ZNF346: variants seen among roughly 807,000 people sequenced by gnomAD.
ZNF346 encodes zinc finger protein 346.
A neutral mutation model predicts 33.7 loss-of-function variants in ZNF346; 23 were observed. The observed-to-expected ratio is 0.68, with a 90% CI of 0.49 to 0.97. The LOEUF (loss-of-function observed/expected upper bound fraction) is 0.97, where lower values mean the gene tolerates loss of function less well. ZNF346 is among the 50% of genes least tolerant of loss of function. ZNF346 has a pLI of 0.00. For missense variants in ZNF346, 340 were observed against 371.1 expected (o/e 0.92, Z 0.69); for synonymous variants, 134 against 142.4 (o/e 0.94, Z 0.42).
intron 1 of ZNF346, among the ~76,000 whole-genome samples, chr5:177,034,414 CAG>C (rs1490049732): frequency 1.3e-4 from 20 of 152,088 alleles, no homozygotes; most frequent in African/African-American, 4.1e-4. Flanking sequence ...TTTGTAAAGA[CAG>C]GGTCCCACTA....
chr5:177,036,424 G>A (rs1778521614), intron 1 of ZNF346, among the ~76,000 whole-genome samples: 1 of 152,132 alleles, frequency 6.6e-6, no homozygotes, highest in African/African-American at 2.4e-5. Context: ...TAAACACCTG[G>A]AGCCTATAAG....
chr5:177,053,990 G>A (rs1781328134), intron 5 of ZNF346, among the ~76,000 whole-genome samples: 1 of 152,070 alleles, frequency 6.6e-6, no homozygotes, highest in African/African-American at 2.4e-5. Context: ...ATCCTAAACA[G>A]GGTAGAATGG....
intron 1 of ZNF346, among the ~76,000 whole-genome samples, chr5:177,028,970 C>T (rs1209540824): frequency 5.9e-5 from 9 of 151,890 alleles, no homozygotes; most frequent in African/African-American, 2.4e-5. Flanking sequence ...CTGCCCTCCT[C>T]GGCCTCCCAA....
chr5:177,044,209 A>G, intron 3 of ZNF346, 180 bp from the exon 4 acceptor site: 1 of 622,278 alleles, frequency 1.6e-6, no homozygotes, highest in Non-Finnish European at 2.7e-6. Flanking sequence ...CAGAGAATAA[A>G]GTGGGGGATG....
intron 1 of ZNF346, among the ~76,000 whole-genome samples, chr5:177,028,521 T>TATATATATATATA (rs56006820): frequency 1.0e-4 from 14 of 135,828 alleles, no homozygotes; most frequent in South Asian, 2.3e-4. Context: ...TATATATATA[T>TATATATATATATA]TTCCCTCCAT....
At chr5:177,050,676 GT>G (rs1562007453) in intron 4 of ZNF346, 74 bp from the exon 5 acceptor site, 1 of 1,560,772 alleles carries the variant, frequency 6.4e-7, no homozygotes. Context: ...TTTTTTCATT[GT>G]TTCTGTTTGA....
At chr5:177,025,985 A>G (rs1048330398) in intron 1 of ZNF346, among the ~76,000 whole-genome samples, 3 of 89,828 alleles carry the variant, frequency 3.3e-5, no homozygotes, top group Non-Finnish European at 6.9e-5. Flanking sequence ...GATCTTCCTT[A>G]TTATTATTAT....
In ZNF346 at chr5:177,064,567, A is replaced by G. The variant is rs1198953848; in HGVS notation, c.853A>G (p.Ile285Val). 1 of 1,614,102 alleles carries G rather than the reference A, an allele frequency of 6.2e-7. No individual in the cohort carries two copies. The highest frequency in any genetic ancestry group is 2.2e-5 in the East Asian group (1 of 44,896). The change falls in exon 7 of 7, where the codon ATT becomes GTT. Residue 285 changes from isoleucine (I) to valine (V), a missense_variant. Transcript: ENST00000358149. The part of the protein sequence containing the change: ...LGQIPMQRQP[I>V]QKDSTTLED ...CCAGATTCCAATGCAAAGGCAACCC[A>G]TTCAGAAAGACTCAACCACCTTGGA...
intron 1 of ZNF346, among the ~76,000 whole-genome samples, chr5:177,033,889 AAGTCATTTTTG>A (rs1203316102): frequency 1.3e-5 from 2 of 152,140 alleles, no homozygotes; most frequent in African/African-American, 4.8e-5. Context: ...AAGGAATAGC[AAGTCATTTTTG>A]AGACAGGGTC....
chr5:177,028,707 CTTTTTTTTTTTTTTTTTT>C (rs56172509), intron 1 of ZNF346, among the ~76,000 whole-genome samples: 9 of 67,398 alleles, frequency 1.3e-4, no homozygotes, highest in South Asian at 6.2e-4. Flanking sequence ...AAGCCCCTTT[CTTTTTTTTTTTTTTTTTT>C]TTTTTTTTTT....
chr5:177,042,055 C>A, intron 3 of ZNF346, 185 bp downstream of exon 3: 1 of 493,248 alleles, frequency 2.0e-6, no homozygotes. Context: ...ATATCAACTA[C>A]CTTTCAGGAT....
intron 1 of ZNF346, among the ~76,000 whole-genome samples, chr5:177,034,095 G>T (rs1167008502): frequency 6.6e-6 from 1 of 152,106 alleles, no homozygotes; most frequent in African/African-American, 2.4e-5. Flanking sequence ...TGTTGTCTAA[G>T]CTGGTCTCGA....
At chr5:177,028,131 G>A (rs1777091526) in intron 1 of ZNF346, among the ~76,000 whole-genome samples, 1 of 124,382 alleles carries the variant, frequency 8.0e-6, no homozygotes, top group Non-Finnish European at 1.6e-5. Flanking sequence ...TCGCCTCCCA[G>A]GTTCAAGCAA....
At chr5:177,038,258 T>TG (rs1561982545) in intron 1 of ZNF346, among the ~76,000 whole-genome samples, 1 of 147,180 alleles carries the variant, frequency 6.8e-6, no homozygotes, top group Non-Finnish European at 1.5e-5. Context: ...CCAACTACGT[T>TG]TTTTTTTTTT....
chr5:177,048,787 C>CTTTTTTTTTTTT, intron 4 of ZNF346, among the ~76,000 whole-genome samples: 1 of 132,196 alleles, frequency 7.6e-6, no homozygotes, highest in South Asian at 2.4e-4. Flanking sequence ...CTTTTTTTTT[C>CTTTTTTTTTTTT]TTTTTTTTTT....
chr5:177,047,030 T>TTATATATA (rs1554148733), intron 4 of ZNF346, among the ~76,000 whole-genome samples: 23 of 147,794 alleles, frequency 1.6e-4, no homozygotes, highest in African/African-American at 5.4e-4. Flanking sequence ...TTTTATTTAT[T>TTATATATA]TTTATTTATT....
chr5:177,072,206 C>A (rs1397034448), downstream of ZNF346, among the ~76,000 whole-genome samples: 1 of 152,228 alleles, frequency 6.6e-6, no homozygotes, highest in Non-Finnish European at 1.5e-5. Context: ...AGAGCTTACA[C>A]AACCAAGAAG....
At chr5:177,025,353 A>T (rs11958446) in intron 1 of ZNF346, among the ~76,000 whole-genome samples, 14,980 of 151,178 alleles carry the variant, frequency 0.099, 1,542 homozygotes, top group African/African-American at 0.26. Flanking sequence ...TTTTGTGAAT[A>T]GTGCTGCTGC....
At chr5:177,071,912 C>G (rs927490966), downstream of ZNF346, among the ~76,000 whole-genome samples, 14 of 152,186 alleles carry the variant, frequency 9.2e-5, no homozygotes, top group African/African-American at 2.7e-4. Context: ...CCCGGCCTGT[C>G]TCTCCCAAGC....
Sources: allele counts gnomAD v4.1 joint callset (sites outside exome capture counted in the v4.1 genomes callset), GRCh38; gene constraint gnomAD v4.1.1; transcripts MANE v1.5; gene names NCBI Gene and HGNC (gene_info 2026-07-23, HGNC 2026-07-21).